STPG2: variants seen among roughly 807,000 people sequenced by gnomAD.
The protein encoded by STPG2 is sperm tail PG-rich repeat containing 2, also known as sperm-tail PG-rich repeat-containing protein 2.
Under a neutral mutation model 54.2 loss-of-function variants are expected in STPG2, and 56 were observed. The ratio of observed to expected loss-of-function variants is 1.03; its 90% CI spans 0.83 to 1.29. The LOEUF (loss-of-function observed/expected upper bound fraction) is 1.29, where lower values mean the gene tolerates loss of function less well. Among genes scored for constraint, STPG2 ranks in the 50% most tolerant of loss-of-function variants. STPG2 has a pLI of 0.00. For missense variants in STPG2, 596 were observed against 544.9 expected (o/e 1.09, Z -0.93); for synonymous variants, 200 against 181.8 (o/e 1.10, Z -0.81).
chr4:97,835,616 C>T (rs1156756096), intron 9 of STPG2, among the ~76,000 whole-genome samples: 1 of 152,084 alleles, frequency 6.6e-6, no homozygotes, highest in African/African-American at 2.4e-5. Context: ...GGTTCAAAGA[C>T]TAATTTCAAC....
At chr4:97,622,868 A>T (rs1734047447) in intron 10 of STPG2, among the ~76,000 whole-genome samples, 1 of 152,318 alleles carries the variant, frequency 6.6e-6, no homozygotes, top group South Asian at 2.1e-4. Context: ...ACTTCAAACT[A>T]CAATACAAGC....
intron 10 of STPG2, among the ~76,000 whole-genome samples, chr4:97,608,725 T>A (rs768766180): frequency 9.2e-5 from 14 of 152,082 alleles, no homozygotes; most frequent in Non-Finnish European, 1.9e-4. Context: ...AAAATCTTCA[T>A]TTAAAATGCT....
chr4:98,055,037 C>T (rs1737438685), intron 5 of STPG2, among the ~76,000 whole-genome samples: 1 of 151,988 alleles, frequency 6.6e-6, no homozygotes, highest in African/African-American at 2.4e-5. Context: ...TTCCTAGAAG[C>T]TACGCTGAGG....
intron 9 of STPG2, among the ~76,000 whole-genome samples, chr4:97,801,009 C>T (rs1407684151): frequency 6.6e-6 from 1 of 152,166 alleles, no homozygotes; most frequent in South Asian, 2.1e-4. Context: ...TCCTGGTGTG[C>T]CGTTTGCTAA....
chr4:97,689,891 T>C (rs946284750), intron 10 of STPG2, among the ~76,000 whole-genome samples: 1 of 152,018 alleles, frequency 6.6e-6, no homozygotes. Flanking sequence ...TAAAACAATA[T>C]ATATCTTCTC....
At chr4:97,763,022 A>G (rs905410338) in intron 9 of STPG2, among the ~76,000 whole-genome samples, 20 of 152,188 alleles carry the variant, frequency 1.3e-4, no homozygotes, top group Non-Finnish European at 2.6e-4. Context: ...GCCGTAACAA[A>G]CTACCACAAA....
intron 5 of STPG2, among the ~76,000 whole-genome samples, chr4:97,987,466 T>C (rs1257516138): frequency 6.6e-6 from 1 of 152,208 alleles, no homozygotes; most frequent in Non-Finnish European, 1.5e-5. Context: ...AATTAAGCTT[T>C]TAACTAGATA....
Position 98,089,530 on chromosome 4 carries a change from T to C in STPG2, c.612+16423A>G, listed in dbSNP as rs903726974. 3.9e-5 allele frequency among the ~76,000 whole-genome samples: 6 copies of C among 152,240 alleles called. 1 individual carries two copies. The highest frequency in any genetic ancestry group is 6.5e-5 in the Admixed American group (1 of 15,300). On this transcript the variant is annotated intron_variant, in intron 5 of 10. Transcript: ENST00000295268. The stretch of plus-strand genomic sequence containing the variant: ...AAAAACATGCATGTGCATGTGTTTT[T>C]TTTCATGTAATGACTTCTTTTCCTT...
In STPG2 at chr4:97,607,763, C is replaced by G. The variant is rs569952490; in HGVS notation, c.1321-48646G>C. On this transcript the variant is annotated intron_variant, in intron 10 of 10. Transcript: ENST00000295268. ...GAATTGTGTTGACTGTTGTCTAATA[C>G]AGCCATCTAGAGTGGCAAGTGGACA... Among the ~76,000 whole-genome samples the G allele has an allele frequency of 7.2e-5, 11 of 152,126 alleles. No individual in the cohort carries two copies. In the South Asian group the frequency reaches 2.3e-3, roughly 32 times the overall value.
intron 9 of STPG2, among the ~76,000 whole-genome samples, chr4:97,739,898 G>A (rs1293644880): frequency 2.6e-5 from 4 of 151,972 alleles, no homozygotes; most frequent in African/African-American, 9.7e-5. Context: ...AAGCCGGGCA[G>A]AGACACAACA....
chr4:98,109,881 A>G (rs1739296807), intron 3 of STPG2, among the ~76,000 whole-genome samples: 2 of 152,142 alleles, frequency 1.3e-5, no homozygotes, highest in African/African-American at 4.8e-5. Context: ...ATGAGAAATA[A>G]TCATCTTTCC....
chr4:98,032,861 T>C (rs1371888987), intron 5 of STPG2, among the ~76,000 whole-genome samples: 2 of 151,976 alleles, frequency 1.3e-5, no homozygotes, highest in African/African-American at 4.8e-5. Context: ...AATAACAAAA[T>C]GAAGGCAGAA....
chr4:97,587,651 T>C (rs910993542), intron 10 of STPG2, among the ~76,000 whole-genome samples: 2 of 152,020 alleles, frequency 1.3e-5, no homozygotes, highest in East Asian at 3.9e-4. Context: ...AGTTTGGAAG[T>C]ATTTTACAGA....
chr4:97,765,953 T>C (rs113755097), intron 9 of STPG2, among the ~76,000 whole-genome samples: 3,333 of 152,158 alleles, frequency 0.022, 113 homozygotes, highest in African/African-American at 0.076. Flanking sequence ...TTTAGGGAAA[T>C]CTATGTGAGC....
intron 10 of STPG2, among the ~76,000 whole-genome samples, chr4:97,593,235 GC>G (rs1269586015): frequency 6.6e-6 from 1 of 151,956 alleles, no homozygotes; most frequent in African/African-American, 2.4e-5. Context: ...ACAGGCACCA[GC>G]CCACCCCCAC....
At chr4:97,970,059 A>C (rs1470262712) in intron 7 of STPG2, among the ~76,000 whole-genome samples, 1 of 152,206 alleles carries the variant, frequency 6.6e-6, no homozygotes, top group African/African-American at 2.4e-5. Context: ...CCCATTCACA[A>C]TTGCTTCAAA....
At chr4:97,800,132 C>T (rs576742137) in intron 9 of STPG2, among the ~76,000 whole-genome samples, 50 of 152,182 alleles carry the variant, frequency 3.3e-4, no homozygotes, top group Non-Finnish European at 6.3e-4. Flanking sequence ...TTTGAACTTC[C>T]TCCTTTAGCT....
chr4:97,744,478 A>AT (rs1194939139), intron 9 of STPG2, among the ~76,000 whole-genome samples: 2 of 151,198 alleles, frequency 1.3e-5, no homozygotes, highest in South Asian at 2.1e-4. Context: ...TGGCAATATA[A>AT]TTTTTTATTT....
intron 10 of STPG2, chr4:97,572,531 T>C (rs1732626088): frequency 6.6e-6 from 1 of 152,174 alleles, no homozygotes; most frequent in Admixed American, 6.5e-5. Context: ...ATCTTGTATG[T>C]TTATTTATAT....
Sources: allele counts gnomAD v4.1 joint callset (sites outside exome capture counted in the v4.1 genomes callset), GRCh38; gene constraint gnomAD v4.1.1; transcripts MANE v1.5; gene names NCBI Gene and HGNC (gene_info 2026-07-23, HGNC 2026-07-21).